The following GTF2B variants were observed in gnomAD, a reference collection of about 807,000 sequenced individuals.
GTF2B encodes general transcription factor IIB.
In GTF2B, 20 loss-of-function variants were observed where a neutral mutation model predicts 34.6. The ratio of observed to expected loss-of-function variants is 0.58; its 90% CI spans 0.41 to 0.84. GTF2B has a LOEUF of 0.84. Ranked by LOEUF, GTF2B falls within the 40% of genes least tolerant of loss-of-function variation. The probability of loss-of-function intolerance (pLI) is 0.00; values close to 1 mark genes in which losing one functional copy is unlikely to be tolerated. For synonymous variants in GTF2B, 142 were observed against 132.4 expected (o/e 1.07, Z -0.50); for missense variants, 237 against 393.3 (o/e 0.60, Z 3.36).
chr1:88,881,103 C>T (rs1171809351), intron 2 of GTF2B, among the ~76,000 whole-genome samples: 2 of 144,270 alleles, frequency 1.4e-5, no homozygotes, highest in African/African-American at 5.1e-5. Context: ...AAAAACACCA[C>T]ATACTAGAAT....
At chr1:88,853,489 G>C in intron 6 of GTF2B, 143 bp from the exon 7 acceptor site, 1 of 755,100 alleles carries the variant, frequency 1.3e-6, no homozygotes. Flanking sequence ...ACTGATAATA[G>C]AAATACATAC....
intron 6 of GTF2B, among the ~76,000 whole-genome samples, chr1:88,854,658 G>A (rs1403191893): frequency 6.6e-6 from 1 of 152,088 alleles, no homozygotes; most frequent in East Asian, 1.9e-4. Flanking sequence ...ACCATGCCCA[G>A]CTAATTTTTG....
At chr1:88,879,429 A>G (rs1203360542) in intron 2 of GTF2B, among the ~76,000 whole-genome samples, 4 of 151,134 alleles carry the variant, frequency 2.6e-5, no homozygotes, top group Admixed American at 2.6e-4. Context: ...AAATACAAAA[A>G]ATTAGCCAGG....
chr1:88,857,153 T>C, intron 6 of GTF2B, 53 bp downstream of exon 6: 1 of 1,504,392 alleles, frequency 6.6e-7, no homozygotes, highest in Admixed American at 2.0e-5. Flanking sequence ...GGAAAAACAA[T>C]CACATGCTGC....
chr1:88,863,488 G>A (rs895355894), intron 3 of GTF2B, among the ~76,000 whole-genome samples: 18 of 152,188 alleles, frequency 1.2e-4, no homozygotes, highest in African/African-American at 4.3e-4. Context: ...GGGACTACAG[G>A]TGCCCGCCAC....
At chr1:88,853,836 T>C (rs911855469) in intron 6 of GTF2B, among the ~76,000 whole-genome samples, 3 of 152,138 alleles carry the variant, frequency 2.0e-5, no homozygotes, top group Admixed American at 1.3e-4. Flanking sequence ...TAAAAATCCA[T>C]TTTAATAAAG....
intron 3 of GTF2B, among the ~76,000 whole-genome samples, chr1:88,861,804 A>G (rs1429285992): frequency 1.3e-5 from 2 of 152,156 alleles, no homozygotes; most frequent in East Asian, 1.9e-4. Flanking sequence ...TTCACTCTAG[A>G]CTGGGTGACA....
At chr1:88,873,514 T>C (rs1673747878) in intron 2 of GTF2B, among the ~76,000 whole-genome samples, 1 of 152,016 alleles carries the variant, frequency 6.6e-6, no homozygotes, top group Admixed American at 6.6e-5. Context: ...TCCAGAAGTT[T>C]TTAAGGAAGG....
chr1:88,853,130 A>T lies in GTF2B; in HGVS notation c.*83T>A, dbSNP rs1673229658. The T allele has an allele frequency of 3.1e-6, 4 of 1,296,828 alleles. No homozygotes were observed. In the Admixed American group the frequency reaches 6.8e-5, roughly 22 times the overall value. The allele number at this position is 1,296,828 out of a possible 1,614,324, so 80.3% of individuals were successfully genotyped here. ...ACCATGTCTTTTGTTTTTCCTCATGAAAGGCTCAACCCAGCATTTTGTATA... is the reference window on the plus strand; with the variant it reads ...ACCATGTCTTTTGTTTTTCCTCATGTAAGGCTCAACCCAGCATTTTGTATA... On this transcript the variant is annotated 3_prime_UTR_variant, in exon 7 of 7. Transcript: ENST00000370500.
At chr1:88,859,773 T>G (rs907619250) in intron 5 of GTF2B, 109 bp downstream of exon 5, 6 of 869,156 alleles carry the variant, frequency 6.9e-6, no homozygotes, top group African/African-American at 1.7e-5. Flanking sequence ...GAGGCAGAGG[T>G]TGCAGTGAGT....
At position 88,864,108 on chromosome 1, in the gene GTF2B, C is replaced by T. The variant is rs761582998; in HGVS notation, c.131G>A (p.Arg44Gln). ...CPECGLVVGD[R>Q]VIDVGSEWRT... Reference sequence around the variant, plus strand: ...CCATTCAGATCCCACATCAATAACCCGGTCACCTAAGAATATAAGCACATA... The same window carrying T: ...CCATTCAGATCCCACATCAATAACCTGGTCACCTAAGAATATAAGCACATA... The change falls in exon 3 of 7, where the codon CGG becomes CAG. Residue 44 changes from arginine to glutamine, a missense_variant. Coordinates refer to ENST00000370500, the MANE Select transcript of GTF2B (RefSeq NM_001514.6). 3.1e-6 allele frequency: 5 copies of T among 1,613,890 alleles called. No homozygotes were observed. The highest frequency in any genetic ancestry group is 1.3e-5 in the African/African-American group (1 of 75,044).
At chr1:88,882,233 C>T (rs1026581863) in intron 2 of GTF2B, among the ~76,000 whole-genome samples, 1 of 150,096 alleles carries the variant, frequency 6.7e-6, no homozygotes, top group Non-Finnish European at 1.5e-5. Context: ...TCGCTTGAAC[C>T]CCGGAGGCAG....
At chr1:88,882,583 T>C (rs1036809036) in intron 2 of GTF2B, among the ~76,000 whole-genome samples, 1 of 152,186 alleles carries the variant, frequency 6.6e-6, no homozygotes, top group African/African-American at 2.4e-5. Flanking sequence ...ATGAGGAAAA[T>C]AAAATTCTCT....
At chr1:88,857,551 C>A in intron 5 of GTF2B, 64 bp from the exon 6 acceptor site, 1 of 797,438 alleles carries the variant, frequency 1.3e-6, no homozygotes, top group Non-Finnish European at 2.0e-6. Context: ...TAAAATCTAC[C>A]ATTTCTAATT....
chr1:88,868,243 G>C (rs149311655), intron 2 of GTF2B, among the ~76,000 whole-genome samples: 102 of 152,366 alleles, frequency 6.7e-4, no homozygotes, highest in African/African-American at 2.2e-3. Context: ...TTTTGAAAAG[G>C]AAGCAGCCAG....
intron 2 of GTF2B, among the ~76,000 whole-genome samples, chr1:88,871,231 A>G (rs956303820): frequency 1.3e-5 from 2 of 152,092 alleles, no homozygotes; most frequent in African/African-American, 4.8e-5. Context: ...GTAAAAAGCT[A>G]ATCACAGTTG....
intron 5 of GTF2B, 115 bp downstream of exon 5, chr1:88,859,767 C>G (rs1673393706): frequency 1.2e-6 from 1 of 811,994 alleles, no homozygotes; most frequent in Non-Finnish European, 2.0e-6. Flanking sequence ...ACCTGGGAGG[C>G]AGAGGTTGCA....
rs577562784 is a variant in GTF2B at position 88,860,234 on chromosome 1, C to T, written c.311G>A (p.Arg104Gln). 7 of 1,613,642 alleles carry T rather than the reference C, an allele frequency of 4.3e-6. No individual in the cohort carries two copies. The highest frequency in any genetic ancestry group is 1.7e-4 in the Middle Eastern group (1 of 6,060). The change falls in exon 4 of 7, where the codon CGG becomes CAG. Residue 104 changes from arginine to glutamine, a missense_variant. By Grantham distance (43) the Arg-to-Gln change is conservative. This residue lies in a region of GTF2B where 130 missense variants were observed against 170.9 expected (regional missense o/e 0.76). Coordinates refer to ENST00000370500, the MANE Select transcript of GTF2B (RefSeq NM_001514.6). ...DEFGNSKYQNRRTMSSSDRAM... is the reference protein window; with the variant it reads ...DEFGNSKYQNQRTMSSSDRAM... ...CCGATCAGAACTGCTCATTGTTCTC[C>T]GATTCTGGTACTTAGAATTGCCAAA...
intron 6 of GTF2B, among the ~76,000 whole-genome samples, chr1:88,853,902 G>GT: frequency 6.6e-6 from 1 of 152,062 alleles, no homozygotes; most frequent in East Asian, 1.9e-4. Context: ...GCTAAAGTCA[G>GT]TAACAAGCAA....
Sources: allele counts gnomAD v4.1 joint callset (sites outside exome capture counted in the v4.1 genomes callset), GRCh38; gene constraint gnomAD v4.1.1; regional missense constraint gnomAD v4.1.1; transcripts MANE v1.5; gene names NCBI Gene and HGNC (gene_info 2026-07-23, HGNC 2026-07-21).